The following IGF1R variants were observed in gnomAD, a reference collection of about 807,000 sequenced individuals.
IGF1R encodes the protein insulin like growth factor 1 receptor.
A neutral mutation model predicts 144.6 loss-of-function variants in IGF1R; 44 were observed. The observed-to-expected ratio is 0.30, with a 90% CI of 0.24 to 0.39. The LOEUF (loss-of-function observed/expected upper bound fraction) is 0.39, where lower values mean the gene tolerates loss of function less well. IGF1R is among the 10% of genes least tolerant of loss of function. IGF1R has a pLI of 1.00. For missense variants in IGF1R, 1,355 were observed against 1,833.7 expected, an observed-to-expected ratio of 0.74 and a Z score of 4.77; for synonymous variants, 795 against 722.8, an observed-to-expected ratio of 1.10 and a Z score of -1.60.
At chr15:98,675,190 T>C (rs565470601) in intron 1 of IGF1R, among the ~76,000 whole-genome samples, 6 of 152,118 alleles carry the variant, frequency 3.9e-5, no homozygotes, top group Non-Finnish European at 8.8e-5. Flanking sequence ...GGTTTCACCA[T>C]GTTGGCCAGG....
intron 15 of IGF1R, among the ~76,000 whole-genome samples, chr15:98,931,169 G>A (rs2015925325): frequency 1.3e-5 from 2 of 152,220 alleles, no homozygotes; most frequent in Non-Finnish European, 2.9e-5. Flanking sequence ...TGGAATCACT[G>A]TGGAAAGGGC....
intron 2 of IGF1R, among the ~76,000 whole-genome samples, chr15:98,799,100 G>C (rs1468177550): frequency 6.6e-6 from 1 of 152,146 alleles, no homozygotes; most frequent in Non-Finnish European, 1.5e-5. Flanking sequence ...GATTTAAGAT[G>C]TTTTGATGGT....
rs181348015 is a variant in IGF1R, at chr15:98,717,182, A to C, written c.640+9075A>C. 5.3e-5 allele frequency among the ~76,000 whole-genome samples: 8 copies of C among 152,324 alleles called. No individual in the cohort carries two copies. In the East Asian group the frequency reaches 1.5e-3, roughly 29 times the overall value. On this transcript the variant is annotated intron_variant, in intron 2 of 20. Transcript: ENST00000650285. ...GTTTAAGGACCGTTGATGCCTTGAG[A>C]TAGTGCCATCTGTTTGCCTCAGGTA... is the stretch of plus-strand genomic sequence containing the variant.
intron 5 of IGF1R, 75 bp downstream of exon 5, chr15:98,899,696 G>A: frequency 1.4e-6 from 2 of 1,443,270 alleles, no homozygotes; most frequent in Admixed American, 3.4e-5. Flanking sequence ...GTGTTGCTGA[G>A]GTAAGAGCCC....
chr15:98,673,351 G>T (rs1227493630), intron 1 of IGF1R, among the ~76,000 whole-genome samples: 1 of 152,194 alleles, frequency 6.6e-6, no homozygotes, highest in Non-Finnish European at 1.5e-5. Context: ...ACTAGCGGTT[G>T]TACAGTAAAT....
At chr15:98,655,561 A>G (rs2052465531) in intron 1 of IGF1R, among the ~76,000 whole-genome samples, 1 of 152,112 alleles carries the variant, frequency 6.6e-6, no homozygotes, top group Non-Finnish European at 1.5e-5. Context: ...CTTTAGGTTT[A>G]GAAATTATTT....
At chr15:98,651,875 A>G (rs1038113115) in intron 1 of IGF1R, among the ~76,000 whole-genome samples, 1 of 150,954 alleles carries the variant, frequency 6.6e-6, no homozygotes, top group Non-Finnish European at 1.5e-5. Flanking sequence ...CCCTCCCTCC[A>G]TCTCTGAAAT....
rs757410090 is a variant in IGF1R at position 98,688,156 on chromosome 15, C to A, written c.95-19406C>A. ...TCAGTGTGCTCTCTGGTGATCTGAA[C>A]CTAGATTCTTGTTTCACGGGTAGGG... On this transcript the variant is annotated intron_variant, in intron 1 of 20. Coordinates refer to ENST00000650285, the MANE Select transcript of IGF1R (RefSeq NM_000875.5). Among the ~76,000 whole-genome samples, 4 of 152,094 alleles carry A rather than the reference C, an allele frequency of 2.6e-5. No homozygotes were observed. In the East Asian group the frequency reaches 7.7e-4, roughly 29 times the overall value.
intron 2 of IGF1R, among the ~76,000 whole-genome samples, chr15:98,764,290 T>G (rs2055380047): frequency 6.6e-6 from 1 of 152,236 alleles, no homozygotes; most frequent in South Asian, 2.1e-4. Context: ...GGAGTAATAT[T>G]CACAAACAGG....
chr15:98,693,700 G>A (rs1173536458), intron 1 of IGF1R, among the ~76,000 whole-genome samples: 1 of 152,312 alleles, frequency 6.6e-6, no homozygotes, highest in Middle Eastern at 3.4e-3. Flanking sequence ...CTGCCTCCCG[G>A]GTTCAAGTGA....
intron 2 of IGF1R, among the ~76,000 whole-genome samples, chr15:98,738,437 G>A (rs571798057): frequency 1.1e-4 from 17 of 152,302 alleles, no homozygotes; most frequent in African/African-American, 3.6e-4. Context: ...TTGAGAGACC[G>A]AGACAGGAAC....
intron 2 of IGF1R, among the ~76,000 whole-genome samples, chr15:98,865,030 G>A (rs993566619): frequency 1.3e-5 from 2 of 152,180 alleles, no homozygotes; most frequent in African/African-American, 2.4e-5. Flanking sequence ...TTTGGGAGAT[G>A]TGAAGAAAAG....
chr15:98,961,166 A>G lies in IGF1R; in HGVS notation c.*3724A>G, dbSNP rs567450434. On this transcript the variant is annotated 3_prime_UTR_variant, in exon 21 of 21. Transcript: ENST00000650285. ...GGTCATTGAGAAATACTGTTGGATC[A>G]GGGTTTTGTTCTTCCACACTGTAGG... The G allele has an allele frequency of 3.9e-4, 90 of 233,550 alleles. 1 individual carries two copies. The highest frequency in any genetic ancestry group is 1.3e-3 in the African/African-American group (58 of 45,450). The allele number at this position is 233,550 out of a possible 1,614,324, so 14.5% of individuals were successfully genotyped here.
At chr15:98,727,686 GTCT>G (rs918286186) in intron 2 of IGF1R, among the ~76,000 whole-genome samples, 3 of 152,190 alleles carry the variant, frequency 2.0e-5, no homozygotes, top group African/African-American at 7.2e-5. Context: ...CAGAGAGCAG[GTCT>G]TCTTCTGCTG....
intron 2 of IGF1R, among the ~76,000 whole-genome samples, chr15:98,788,476 G>A (rs1191509212): frequency 6.6e-6 from 1 of 152,236 alleles, no homozygotes; most frequent in Admixed American, 6.5e-5. Flanking sequence ...TACCCAAGGT[G>A]CAGCAACAAT....
chr15:98,788,590 A>G (rs1198355613), intron 2 of IGF1R, among the ~76,000 whole-genome samples: 1 of 152,234 alleles, frequency 6.6e-6, no homozygotes, highest in East Asian at 1.9e-4. Context: ...CCCTGAATGC[A>G]TGTAAATAAC....
intron 2 of IGF1R, among the ~76,000 whole-genome samples, chr15:98,816,473 C>G (rs2056698297): frequency 6.6e-6 from 1 of 152,196 alleles, no homozygotes; most frequent in South Asian, 2.1e-4. Context: ...GGCCATCACT[C>G]CCCATCGGCC....
At chr15:98,827,421 G>A (rs1035469818) in intron 2 of IGF1R, among the ~76,000 whole-genome samples, 1 of 152,196 alleles carries the variant, frequency 6.6e-6, no homozygotes, top group Non-Finnish European at 1.5e-5. Flanking sequence ...CAAAGAGGAA[G>A]TGGTCATGGG....
rs187736646 is a variant in IGF1R, at chr15:98,916,646, T to C, written c.1997-26T>C. The C allele has an allele frequency of 8.6e-4, 1,375 of 1,603,092 alleles. 13 individuals carry two copies. In the African/African-American group the frequency reaches 0.016, roughly 19 times the overall value. ...GTATAACGGCTTTCATTCCCACTCT[T>C]GTTTTGGCTTTTCTTTTCCGAGAAG... On this transcript the variant is annotated intron_variant, in intron 9 of 20. Transcript: ENST00000650285.
Sources: gnomAD v4.1 joint callset for allele counts (sites outside exome capture counted in the v4.1 genomes callset) on GRCh38, gnomAD v4.1.1 for gene constraint, MANE v1.5 for transcripts, NCBI Gene and HGNC (gene_info 2026-07-23, HGNC 2026-07-21) for gene names.